Variants in RANBP2 observed in about 807,000 individuals in gnomAD.
The protein encoded by RANBP2 is RAN binding protein 2, also known as E3 SUMO-protein ligase RanBP2.
In RANBP2, 57 loss-of-function variants were observed where a neutral mutation model predicts 303.6. That is an observed-to-expected ratio of 0.19 (90% CI 0.15 to 0.23). RANBP2 has a LOEUF of 0.23. Ranked by LOEUF, RANBP2 falls within the 10% of genes least tolerant of loss-of-function variation. The pLI is 1.00. For synonymous variants in RANBP2, 1,167 were observed against 1,301.5 expected, an observed-to-expected ratio of 0.90 and a Z score of 2.23; for missense variants, 3,138 against 3,780.8, an observed-to-expected ratio of 0.83 and a Z score of 4.46.
the RANBP2 span, among the ~76,000 whole-genome samples, chr2:109,337,969 T>C: frequency 6.6e-6 from 1 of 152,194 alleles, no homozygotes; most frequent in Non-Finnish European, 1.5e-5. Flanking sequence ...TGAGTTCAAG[T>C]GATCTGCCTG....
At chr2:109,448,253 C>T in the RANBP2 span, among the ~76,000 whole-genome samples, 1 of 152,172 alleles carries the variant, frequency 6.6e-6, no homozygotes, top group African/African-American at 2.4e-5. Context: ...CATTTTACAA[C>T]CATATTTCAA....
chr2:109,643,412 C>T, the RANBP2 span, among the ~76,000 whole-genome samples: 4 of 152,048 alleles, frequency 2.6e-5, no homozygotes, highest in Non-Finnish European at 5.9e-5. Context: ...CATAGGAGGT[C>T]GGCACAAGAT....
chr2:109,333,029 G>A, the RANBP2 span, among the ~76,000 whole-genome samples: 1 of 152,250 alleles, frequency 6.6e-6, no homozygotes, highest in African/African-American at 2.4e-5. Flanking sequence ...GGCAGCCTGG[G>A]ATTGGGAATG....
chr2:109,170,152 CT>C, the RANBP2 span, among the ~76,000 whole-genome samples: 2,152 of 152,178 alleles, frequency 0.014, 16 homozygotes, highest in South Asian at 0.03. Context: ...TTACATACCC[CT>C]AATACCATCG....
chr2:109,694,801 A>ATG, the RANBP2 span, among the ~76,000 whole-genome samples: 2,290 of 146,314 alleles, frequency 0.016, 49 homozygotes, highest in African/African-American at 0.048. Context: ...ATCCATAGGG[A>ATG]TGTGTGTGTG....
the RANBP2 span, among the ~76,000 whole-genome samples, chr2:109,071,256 G>A: frequency 6.6e-6 from 1 of 152,162 alleles, no homozygotes; most frequent in East Asian, 1.9e-4. Flanking sequence ...ATGTCTCCTG[G>A]GTTTTTGGCT....
chr2:109,207,668 T>C, the RANBP2 span, among the ~76,000 whole-genome samples: 1 of 152,194 alleles, frequency 6.6e-6, no homozygotes, highest in Non-Finnish European at 1.5e-5. Flanking sequence ...GTGCCACCTA[T>C]AGAATTTGGA....
the RANBP2 span, chr2:109,544,079 C>G: frequency 1.4e-6 from 2 of 1,382,582 alleles, no homozygotes; most frequent in Non-Finnish European, 2.0e-6. Flanking sequence ...TTTGAAGCTT[C>G]TGGATTTCAG....
chr2:109,405,111 C>T, the RANBP2 span, among the ~76,000 whole-genome samples: 4 of 151,950 alleles, frequency 2.6e-5, no homozygotes, highest in African/African-American at 7.3e-5. Flanking sequence ...GGTTCACCCT[C>T]TCCAGAACCC....
the RANBP2 span, chr2:109,130,091 G>C: frequency 9.6e-6 from 13 of 1,353,680 alleles, no homozygotes; most frequent in Non-Finnish European, 1.2e-5. Context: ...CTGGCGACCA[G>C]CAGGACCGCG....
the RANBP2 span, among the ~76,000 whole-genome samples, chr2:109,038,807 G>C: frequency 1.3e-5 from 2 of 152,150 alleles, no homozygotes; most frequent in Non-Finnish European, 2.9e-5. Flanking sequence ...GCATACGAAA[G>C]CTCCTGTTTC....
the RANBP2 span, among the ~76,000 whole-genome samples, chr2:109,134,105 T>C: frequency 6.6e-6 from 1 of 152,248 alleles, no homozygotes; most frequent in Non-Finnish European, 1.5e-5. Flanking sequence ...GCCTGCTGCA[T>C]GCTGGGCACT....
At chr2:109,099,603 C>A in the RANBP2 span, among the ~76,000 whole-genome samples, 1 of 151,868 alleles carries the variant, frequency 6.6e-6, no homozygotes, top group Non-Finnish European at 1.5e-5. Context: ...GGGGTCCATT[C>A]AGTTAGCTGA....
At chr2:108,815,628 G>C in the RANBP2 span, among the ~76,000 whole-genome samples, 1 of 151,744 alleles carries the variant, frequency 6.6e-6, no homozygotes, top group Non-Finnish European at 1.5e-5. Context: ...ACCATGCCCA[G>C]CTAATTTTAT....
chr2:109,658,436 C>T, the RANBP2 span, among the ~76,000 whole-genome samples: 11 of 150,732 alleles, frequency 7.3e-5, no homozygotes, highest in Non-Finnish European at 4.4e-5. Context: ...ATGAGCAAGA[C>T]TCCATCTCAA....
At chr2:109,200,573 G>T in the RANBP2 span, among the ~76,000 whole-genome samples, 1 of 152,132 alleles carries the variant, frequency 6.6e-6, no homozygotes, top group Non-Finnish European at 1.5e-5. Flanking sequence ...TGCTCTTCTA[G>T]GCACCGCCGA....
chr2:108,892,718 C>T, the RANBP2 span, among the ~76,000 whole-genome samples: 4 of 152,152 alleles, frequency 2.6e-5, no homozygotes, highest in Non-Finnish European at 4.4e-5. Context: ...TGCTGGGGAT[C>T]TGGGCCACTG....
At position 108,767,832 on chromosome 2, in the gene RANBP2, G is replaced by T. The variant is rs774092353; in HGVS notation, c.7293G>T (p.Ser2431=). 13 of 1,610,314 alleles carry T rather than the reference G, an allele frequency of 8.1e-6. No homozygotes were observed. In the African/African-American group the frequency reaches 1.3e-4, roughly 17 times the overall value. ...TTAAACTACAGGATGTTGCAGACTC[G>T]TTTAAGAAAATTTTTGATGAAGCAA... ...VRFKLQDVAD[S]FKKIFDEAKT... The change falls in exon 20 of 29, where the codon TCG becomes TCT. Residue 2431 remains serine, a synonymous_variant. Coordinates refer to ENST00000283195, the MANE Select transcript of RANBP2 (RefSeq NM_006267.5).
At chr2:108,858,699 TC>T in the RANBP2 span, among the ~76,000 whole-genome samples, 30 of 152,032 alleles carry the variant, frequency 2.0e-4, no homozygotes, top group Non-Finnish European at 3.8e-4. Flanking sequence ...GCTATTTTTT[TC>T]TTTTTTTTTT....
Sources: allele counts gnomAD v4.1 joint callset (sites outside exome capture counted in the v4.1 genomes callset), GRCh38; gene constraint gnomAD v4.1.1; transcripts MANE v1.5; gene names NCBI Gene and HGNC (gene_info 2026-07-23, HGNC 2026-07-21).